Variants in ZNF609 observed in about 807,000 individuals in gnomAD.
ZNF609 encodes the protein zinc finger protein 609.
In ZNF609, 11 loss-of-function variants were observed where a neutral mutation model predicts 109.5. The ratio of observed to expected loss-of-function variants is 0.10; its 90% CI spans 0.06 to 0.17. The LOEUF is 0.17. ZNF609 is among the 10% of genes least tolerant of loss of function. ZNF609 has a pLI of 1.00. For synonymous variants in ZNF609, 646 were observed against 662.0 expected (o/e 0.98, Z 0.37); for missense variants, 1,559 against 1,772.4 (o/e 0.88, Z 2.16).
At chr15:64,619,125 G>A (rs750286228) in intron 2 of ZNF609, among the ~76,000 whole-genome samples, 10 of 152,176 alleles carry the variant, frequency 6.6e-5, no homozygotes, top group Admixed American at 2.0e-4. Flanking sequence ...GACTGCAGGT[G>A]TGTGCCAACA....
chr15:64,538,142 A>G (rs1261865605), intron 2 of ZNF609, among the ~76,000 whole-genome samples: 1 of 152,020 alleles, frequency 6.6e-6, no homozygotes, highest in Non-Finnish European at 1.5e-5. Context: ...TGTATATCCT[A>G]GGATGTTCTA....
chr15:64,509,739 G>C lies in ZNF609; in HGVS notation c.747+9573G>C, dbSNP rs138808131. On this transcript the variant is annotated intron_variant, in intron 2 of 9. Transcript: ENST00000326648. ...TTTTGTTTATTCTCCATTAAGGTCA[G>C]TTTCTTTGGTATATAACCAACTTCT... Among the ~76,000 whole-genome samples the C allele has an allele frequency of 4.4e-3, 672 of 152,296 alleles. 3 individuals are homozygous for C. The highest frequency in any genetic ancestry group is 0.015 in the African/African-American group (632 of 41,568).
intron 1 of ZNF609, among the ~76,000 whole-genome samples, chr15:64,490,511 T>C (rs1690709988): frequency 6.6e-6 from 1 of 152,100 alleles, no homozygotes; most frequent in African/African-American, 2.4e-5. Flanking sequence ...CGACCTCAGG[T>C]GATCCATCCA....
intron 2 of ZNF609, among the ~76,000 whole-genome samples, chr15:64,599,168 G>GTTTT (rs556122154): frequency 1.5e-3 from 69 of 46,464 alleles, no homozygotes; most frequent in African/African-American, 3.4e-3. Flanking sequence ...TTTTGTGGTG[G>GTTTT]TTTTTTTTTT....
intron 3 of ZNF609, among the ~76,000 whole-genome samples, chr15:64,632,970 G>T (rs907982456): frequency 2.0e-5 from 3 of 151,220 alleles, no homozygotes; most frequent in Non-Finnish European, 4.4e-5. Flanking sequence ...TTTTTGTAGA[G>T]ATGGGGTCTC....
intron 2 of ZNF609, among the ~76,000 whole-genome samples, chr15:64,597,455 C>T (rs146980324): frequency 2.0e-5 from 3 of 152,278 alleles, no homozygotes; most frequent in South Asian, 2.1e-4. Flanking sequence ...TTTAGCTGAC[C>T]TGCATCCTTG....
At chr15:64,625,298 C>T (rs1029244463) in intron 3 of ZNF609, among the ~76,000 whole-genome samples, 1 of 152,020 alleles carries the variant, frequency 6.6e-6, no homozygotes, top group Non-Finnish European at 1.5e-5. Context: ...CGTGGTTTAT[C>T]ACCTGAGGTC....
intron 2 of ZNF609, among the ~76,000 whole-genome samples, chr15:64,526,449 G>A (rs1187985944): frequency 1.3e-5 from 2 of 151,914 alleles, no homozygotes; most frequent in Non-Finnish European, 2.9e-5. Flanking sequence ...TTTATTTCTT[G>A]TCTAATTTTT....
intron 2 of ZNF609, among the ~76,000 whole-genome samples, chr15:64,610,000 A>G (rs1438431653): frequency 6.6e-6 from 1 of 151,714 alleles, no homozygotes; most frequent in Non-Finnish European, 1.5e-5. Context: ...TGACAGCATG[A>G]GATGCTATCT....
At chr15:64,528,651 TG>T in intron 2 of ZNF609, 1 of 1,039,846 alleles carries the variant, frequency 9.6e-7, no homozygotes, top group Non-Finnish European at 1.5e-6. Context: ...GTCGCTGGGC[TG>T]GTGGTCCAGG....
chr15:64,624,824 A>G (rs974586247), intron 3 of ZNF609, among the ~76,000 whole-genome samples: 1 of 144,844 alleles, frequency 6.9e-6, no homozygotes, highest in Admixed American at 7.1e-5. Context: ...CAGTGGTGCG[A>G]TCTTGGCTCA....
chr15:64,673,953 A>C lies in ZNF609; in HGVS notation c.1099A>C (p.Asn367His). The C allele has an allele frequency of 6.2e-7, 1 of 1,613,430 alleles. No individual in the cohort carries two copies. Among genetic ancestry groups the C allele is most frequent in the Non-Finnish European group, 8.5e-7 (1 of 1,179,428 alleles). The change falls in exon 5 of 10, where the codon AAT becomes CAT. Residue 367 changes from asparagine (N) to histidine (H), a missense_variant. Coordinates refer to ENST00000326648, the MANE Select transcript of ZNF609 (RefSeq NM_015042.2). ...DSPTSDLEMR[N>H]GRGRGKRMRP... Reference sequence around the variant, plus strand: ...CCCGACCAGTGACCTGGAAATGCGCAATGGCCGGGGTAGAGGCAAACGCAT... The same window carrying C: ...CCCGACCAGTGACCTGGAAATGCGCCATGGCCGGGGTAGAGGCAAACGCAT...
At position 64,499,920 on chromosome 15, in the gene ZNF609, CAAG is replaced by C. The variant is rs757958270; in HGVS notation, c.505_507del (p.Lys169del). ...AGAAGGAGAACAGCTCATCTAAGAG[CAAG>C]AAGGAGAGAAGCGAAGGAGTGGGGA... On this transcript the variant is annotated inframe_deletion, in exon 2 of 10. Coordinates refer to ENST00000326648, the MANE Select transcript of ZNF609 (RefSeq NM_015042.2). The C allele has an allele frequency of 2.5e-6, 4 of 1,613,988 alleles. No homozygotes were observed. The highest frequency in any genetic ancestry group is 1.3e-5 in the African/African-American group (1 of 74,998).
chr15:64,471,947 G>A (rs1274115773), intron 1 of ZNF609, among the ~76,000 whole-genome samples: 1 of 151,642 alleles, frequency 6.6e-6, no homozygotes, highest in East Asian at 1.9e-4. Flanking sequence ...GTCTTGCTCT[G>A]TCACCCAGGC....
At chr15:64,474,027 C>G (rs1416655444) in intron 1 of ZNF609, among the ~76,000 whole-genome samples, 1 of 152,050 alleles carries the variant, frequency 6.6e-6, no homozygotes, top group East Asian at 1.9e-4. Context: ...CCTGCCTCGG[C>G]CTCCCAAAGT....
intron 1 of ZNF609, among the ~76,000 whole-genome samples, chr15:64,493,238 G>A (rs1893438856): frequency 1.3e-5 from 2 of 152,098 alleles, no homozygotes; most frequent in South Asian, 2.1e-4. Flanking sequence ...TATGAGTGGG[G>A]TCCAGTTGCT....
chr15:64,576,578 C>T (rs989340123), intron 2 of ZNF609, among the ~76,000 whole-genome samples: 42 of 151,580 alleles, frequency 2.8e-4, no homozygotes, highest in South Asian at 1.0e-3. Flanking sequence ...GATGTTTCTA[C>T]GAAAAGGAAG....
At position 64,675,590 on chromosome 15, in the gene ZNF609, C is replaced by T. The variant is rs1567045505; in HGVS notation, c.2736C>T (p.Asn912=). The T allele has an allele frequency of 3.1e-6, 5 of 1,613,988 alleles. No individual in the cohort carries two copies. In the African/African-American group the frequency reaches 4.0e-5, roughly 13 times the overall value. ...SYAQSSPGAL[N]PSSQAGVESQ... is the part of the protein sequence containing the mutation. ...CACAGTCCAGCCCTGGGGCTCTGAA[C>T]CCCAGCAGCCAGGCAGGAGTGGAGA... The change falls in exon 5 of 10, where the codon AAC becomes AAT. Residue 912 remains asparagine (N), a synonymous_variant. Coordinates refer to ENST00000326648, the MANE Select transcript of ZNF609 (RefSeq NM_015042.2).
chr15:64,624,085 T>A (rs1895917141), intron 3 of ZNF609, among the ~76,000 whole-genome samples: 1 of 152,222 alleles, frequency 6.6e-6, no homozygotes, highest in Admixed American at 6.5e-5. Flanking sequence ...TGTCATTCAG[T>A]ATTTATTTAA....
Sources: gnomAD v4.1 joint callset for allele counts (sites outside exome capture counted in the v4.1 genomes callset) on GRCh38, gnomAD v4.1.1 for gene constraint, MANE v1.5 for transcripts, NCBI Gene and HGNC (gene_info 2026-07-23, HGNC 2026-07-21) for gene names.